ZNF337: variants seen among roughly 807,000 people sequenced by gnomAD.
ZNF337 encodes zinc finger protein 337.
A neutral mutation model predicts 12.1 loss-of-function variants in ZNF337; 8 were observed. That is an observed-to-expected ratio of 0.66 (90% CI 0.39 to 1.19). The LOEUF (loss-of-function observed/expected upper bound fraction) is 1.19, where lower values mean the gene tolerates loss of function less well. Among genes scored for constraint, ZNF337 ranks in the 50% most tolerant of loss-of-function variants. The pLI, the probability that ZNF337 is intolerant of heterozygous loss-of-function variation, is 0.01. For missense variants in ZNF337, 882 were observed against 896.6 expected (o/e 0.98, Z 0.21); for synonymous variants, 336 against 320.0 (o/e 1.05, Z -0.53).
chr20:25,686,706 C>T (rs1007231788), intron 1 of ZNF337: 58 of 497,006 alleles, frequency 1.2e-4, no homozygotes, highest in African/African-American at 9.4e-4. Context: ...CACTGAGGGG[C>T]TAAAAGGATG....
chr20:25,688,867 G>A (rs1201384950), intron 1 of ZNF337, among the ~76,000 whole-genome samples: 2 of 152,188 alleles, frequency 1.3e-5, no homozygotes, highest in Non-Finnish European at 2.9e-5. Flanking sequence ...GGTGGCTCAC[G>A]CCTGTAATCC....
chr20:25,693,066 A>G (rs903082865), intron 1 of ZNF337, among the ~76,000 whole-genome samples: 1 of 152,176 alleles, frequency 6.6e-6, no homozygotes, highest in Non-Finnish European at 1.5e-5. Flanking sequence ...GATCCCAGAT[A>G]TGTTACATAA....
Position 25,686,433 on chromosome 20 carries a change from C to T in ZNF337, c.-16G>A. 1.2e-6 allele frequency: 2 copies of T among 1,614,034 alleles called. No individual in the cohort carries two copies. Among genetic ancestry groups the T allele is most frequent in the African/African-American group, 1.3e-5 (1 of 75,066 alleles). On this transcript the variant is annotated 5_prime_UTR_variant, in exon 2 of 5. Coordinates refer to ENST00000252979, the MANE Select transcript of ZNF337 (RefSeq NM_015655.4). ...GAGGTCCCATGACTGTCTTCCTGCT[C>T]TCCACGGAGAAGGGAAGCTTGCAGA...
At chr20:25,691,254 A>C (rs151253445) in intron 1 of ZNF337, among the ~76,000 whole-genome samples, 76 of 152,340 alleles carry the variant, frequency 5.0e-4, no homozygotes, top group African/African-American at 1.8e-3. Flanking sequence ...GAAGAATTTG[A>C]AATTTCAGAG....
chr20:25,677,035 T>A lies in ZNF337; in HGVS notation c.253A>T (p.Ile85Leu), dbSNP rs774743705. 1 of 1,595,876 alleles carries A rather than the reference T, an allele frequency of 6.3e-7. No individual in the cohort carries two copies. Among genetic ancestry groups the A allele is most frequent in the Non-Finnish European group, 8.5e-7 (1 of 1,171,902 alleles). The change falls in exon 5 of 5, where the codon ATA becomes TTA. Residue 85 changes from isoleucine (I) to leucine (L), a missense_variant and splice_region_variant. Physicochemically the swap from Ile to Leu is conservative, Grantham distance 5 (BLOSUM62 2). Transcript: ENST00000252979. ...GGCCGCAGGACATGTTCTGCATATA[T>A]TCCTGGAGAATAGACCAACAATGAG... Reference protein sequence around the residue: ...RRRRPGPCAGIYAEHVLRPKN... With the variant: ...RRRRPGPCAGLYAEHVLRPKN...
At chr20:25,684,734 A>T (rs1033014551) in intron 4 of ZNF337, among the ~76,000 whole-genome samples, 2 of 152,262 alleles carry the variant, frequency 1.3e-5, no homozygotes, top group Non-Finnish European at 2.9e-5. Context: ...CCAAATGCCC[A>T]TCAATGATAG....
chr20:25,694,467 T>C (rs1032292974), intron 1 of ZNF337, among the ~76,000 whole-genome samples: 1 of 152,168 alleles, frequency 6.6e-6, no homozygotes, highest in Non-Finnish European at 1.5e-5. Flanking sequence ...GATGGGTCTC[T>C]CTACTTGGGG....
At chr20:25,679,925 AAGAAAATGT>A (rs2065751478) in intron 4 of ZNF337, among the ~76,000 whole-genome samples, 1 of 152,196 alleles carries the variant, frequency 6.6e-6, no homozygotes, top group Non-Finnish European at 1.5e-5. Flanking sequence ...TGAATGGATA[AAGAAAATGT>A]AGTACATATA....
chr20:25,696,328 C>T (rs905995479), intron 1 of ZNF337, among the ~76,000 whole-genome samples: 9 of 152,132 alleles, frequency 5.9e-5, no homozygotes, highest in Non-Finnish European at 1.3e-4. Flanking sequence ...ATGGCTGTAA[C>T]CCCCACCCCA....
At chr20:25,684,976 G>A (rs553746425) in intron 4 of ZNF337, among the ~76,000 whole-genome samples, 2 of 151,924 alleles carry the variant, frequency 1.3e-5, no homozygotes, top group South Asian at 2.1e-4. Flanking sequence ...GGGCATGTTG[G>A]GGGGTAGGGG....
chr20:25,681,080 C>T (rs3764695), intron 4 of ZNF337: 22,424 of 152,138 alleles, frequency 0.15, 3,403 homozygotes, highest in African/African-American at 0.39. Context: ...GGGAGATAAA[C>T]AGGTTTAGTT....
In ZNF337 at chr20:25,676,653, T is replaced by G. The variant is rs2065698266; in HGVS notation, c.635A>C (p.Glu212Ala). 2 of 1,614,088 alleles carry G rather than the reference T, an allele frequency of 1.2e-6. No individual in the cohort carries two copies. The highest frequency in any genetic ancestry group is 2.7e-5 in the African/African-American group (2 of 74,938). ...CTCATCTCTAAAGCCCTGGTGACACTCCCTGCATGTAAAAAGTTTCTGCCT... is the reference window on the plus strand; with the variant it reads ...CTCATCTCTAAAGCCCTGGTGACACGCCCTGCATGTAAAAAGTTTCTGCCT... ...HSRQKLFTCR[E>A]CHQGFRDESA... Residue 212 changes from glutamate (E) to alanine (A), a missense_variant, in exon 5 of 5, where the codon GAG becomes GCG. Transcript: ENST00000252979.
chr20:25,678,024 C>A (rs1301097121), intron 4 of ZNF337: 1 of 152,000 alleles, frequency 6.6e-6, no homozygotes, highest in Non-Finnish European at 1.5e-5. Flanking sequence ...TACCATAGTT[C>A]AGGGAGTCCT....
At position 25,676,547 on chromosome 20, in the gene ZNF337, G is replaced by C. The variant is rs1396670370; in HGVS notation, c.741C>G (p.Leu247=). The part of the protein sequence containing the change: ...VCSVCGRGFS[L]KANLLRHQRT... ...TCTGGTGTCTGAGGAGGTTGGCCTT[G>C]AGGCTGAAGCCTCGCCCACACACAC... Residue 247 remains leucine (L), a synonymous_variant, in exon 5 of 5, where the codon CTC becomes CTG. Transcript: ENST00000252979. The C allele has an allele frequency of 1.9e-6, 3 of 1,611,888 alleles. No homozygotes were observed. The African/African-American group carries it at 4.0e-5, about 22-fold the overall frequency.
rs1382223841 is a variant in ZNF337 at position 25,676,526 on chromosome 20, G to A, written c.762C>T (p.His254=). ...GCTTCTCTCCTGAGTGTGTCCTCTG[G>A]TGTCTGAGGAGGTTGGCCTTGAGGC... The part of the protein sequence containing the change: ...GFSLKANLLR[H]QRTHSGEKPF... Residue 254 remains histidine, a synonymous_variant, in exon 5 of 5, where the codon CAC becomes CAT. Coordinates refer to ENST00000252979, the MANE Select transcript of ZNF337 (RefSeq NM_015655.4). The A allele has an allele frequency of 2.5e-6, 4 of 1,613,980 alleles. No homozygotes were observed. The highest frequency in any genetic ancestry group is 3.4e-6 in the Non-Finnish European group (4 of 1,180,028).
At chr20:25,689,261 G>A (rs1354861631) in intron 1 of ZNF337, among the ~76,000 whole-genome samples, 1 of 152,036 alleles carries the variant, frequency 6.6e-6, no homozygotes, top group African/African-American at 2.4e-5. Flanking sequence ...CGGAGACCGT[G>A]CCACTGCACT....
chr20:25,691,348 T>C (rs2065881021), intron 1 of ZNF337, among the ~76,000 whole-genome samples: 1 of 152,180 alleles, frequency 6.6e-6, no homozygotes, highest in Non-Finnish European at 1.5e-5. Flanking sequence ...TATATGGGTG[T>C]CTAGAAGATG....
chr20:25,687,813 CT>C (rs1260455930), intron 1 of ZNF337, among the ~76,000 whole-genome samples: 3 of 152,216 alleles, frequency 2.0e-5, no homozygotes, highest in Non-Finnish European at 4.4e-5. Flanking sequence ...CTACCTGCTC[CT>C]TTTCTCTTGT....
Position 25,675,340 on chromosome 20 carries a change from G to C in ZNF337, c.1948C>G (p.His650Asp). ...CACACGAAGGGCTTCTCCCCTGAGTGTGTCCTCTGGTGTGTGAGGAGATTT... is the reference window on the plus strand; with the variant it reads ...CACACGAAGGGCTTCTCCCCTGAGTCTGTCCTCTGGTGTGTGAGGAGATTT... ...KGNLLTHQRT[H>D]SGEKPFVCNV... is the part of the protein sequence containing the mutation. The change falls in exon 5 of 5, where the codon CAC becomes GAC. Residue 650 changes from histidine to aspartate, a missense_variant. Coordinates refer to ENST00000252979, the MANE Select transcript of ZNF337 (RefSeq NM_015655.4). 6.2e-7 allele frequency: 1 copy of C among 1,614,224 alleles called. No homozygotes were observed. The highest frequency in any genetic ancestry group is 8.5e-7 in the Non-Finnish European group (1 of 1,180,028).
Sources: allele counts gnomAD v4.1 joint callset (sites outside exome capture counted in the v4.1 genomes callset), GRCh38; gene constraint gnomAD v4.1.1; transcripts MANE v1.5; gene names NCBI Gene and HGNC (gene_info 2026-07-23, HGNC 2026-07-21).